The following SGCZ variants were observed in gnomAD, a reference collection of about 807,000 sequenced individuals.
SGCZ encodes the protein zeta-sarcoglycan.
A neutral mutation model predicts 41.3 loss-of-function variants in SGCZ; 40 were observed. The ratio of observed to expected loss-of-function variants is 0.97; its 90% CI spans 0.75 to 1.26. SGCZ has a LOEUF of 1.26. Ranked by LOEUF, SGCZ falls within the 50% of genes most tolerant of loss-of-function variation. The pLI is 0.00. For missense variants in SGCZ, 552 were observed against 369.8 expected (o/e 1.49, Z -4.04); for synonymous variants, 206 against 137.5 (o/e 1.50, Z -3.49).
At chr8:15,178,037 C>A (rs1800052437) in intron 1 of SGCZ, among the ~76,000 whole-genome samples, 1 of 152,144 alleles carries the variant, frequency 6.6e-6, no homozygotes, top group Non-Finnish European at 1.5e-5. Context: ...TGGGGCCTAG[C>A]CTTGCAATTT....
chr8:14,645,577 G>A (rs1807187219), intron 1 of SGCZ, among the ~76,000 whole-genome samples: 1 of 148,632 alleles, frequency 6.7e-6, no homozygotes, highest in African/African-American at 2.5e-5. Flanking sequence ...ATAAATTCCT[G>A]GTATCCTCGA....
At chr8:14,576,307 C>G (rs1222086616) in intron 1 of SGCZ, among the ~76,000 whole-genome samples, 3 of 152,068 alleles carry the variant, frequency 2.0e-5, no homozygotes, top group Admixed American at 6.6e-5. Flanking sequence ...TTTATCATTG[C>G]TTCACAATGA....
intron 1 of SGCZ, among the ~76,000 whole-genome samples, chr8:14,654,201 A>G (rs1231572934): frequency 2.0e-5 from 3 of 151,830 alleles, no homozygotes; most frequent in African/African-American, 7.3e-5. Flanking sequence ...CAGTAAAATA[A>G]TGGGTAACAT....
At chr8:14,366,686 C>A (rs1441545229) in intron 2 of SGCZ, among the ~76,000 whole-genome samples, 1 of 152,152 alleles carries the variant, frequency 6.6e-6, no homozygotes. Flanking sequence ...CAAAACTAAC[C>A]ATGCCTTCCC....
At chr8:14,202,991 A>C (rs1323812602) in intron 4 of SGCZ, among the ~76,000 whole-genome samples, 4 of 152,086 alleles carry the variant, frequency 2.6e-5, no homozygotes, top group Admixed American at 2.0e-4. Context: ...GAATCTCAGA[A>C]GATACGATGG....
At chr8:14,832,907 C>T (rs1802580604) in intron 1 of SGCZ, among the ~76,000 whole-genome samples, 1 of 151,650 alleles carries the variant, frequency 6.6e-6, no homozygotes, top group African/African-American at 2.4e-5. Flanking sequence ...TAATATCTTG[C>T]CAAATAAATA....
At chr8:14,804,481 A>G (rs1053055976) in intron 1 of SGCZ, among the ~76,000 whole-genome samples, 3 of 124,228 alleles carry the variant, frequency 2.4e-5, no homozygotes, top group African/African-American at 5.9e-5. Context: ...GGGTATCAGC[A>G]GTGGAAGATG....
In SGCZ at chr8:14,090,308, C is replaced by A; in HGVS notation, c.*135G>T. ...ATCACAAGAGAAGGTGGTGGCGAAT[C>A]CCTGCTCACACTGGAAGTTGCTCTG... On this transcript the variant is annotated 3_prime_UTR_variant, in exon 8 of 8. Transcript: ENST00000382080. The A allele has an allele frequency of 1.2e-6, 1 of 834,900 alleles. No individual in the cohort carries two copies. Among genetic ancestry groups the A allele is most frequent in the East Asian group, 2.5e-5 (1 of 39,290 alleles). The allele number at this position is 834,900 out of a possible 1,614,324, so 51.7% of individuals were successfully genotyped here. A position where few individuals can be genotyped will look rare whatever the true frequency, so the allele number is the denominator to read the frequency against.
intron 2 of SGCZ, among the ~76,000 whole-genome samples, chr8:14,533,759 A>G (rs1398708120): frequency 6.6e-6 from 1 of 152,036 alleles, no homozygotes; most frequent in Non-Finnish European, 1.5e-5. Context: ...ATTAACCAAA[A>G]TATATCTTTC....
chr8:15,007,016 G>C (rs181698555), intron 1 of SGCZ, among the ~76,000 whole-genome samples: 1 of 152,122 alleles, frequency 6.6e-6, no homozygotes, highest in East Asian at 1.9e-4. Flanking sequence ...AAAAGGAAAG[G>C]GTAGTGTGTT....
chr8:14,210,778 A>T (rs1226820642), intron 4 of SGCZ, among the ~76,000 whole-genome samples: 2 of 152,090 alleles, frequency 1.3e-5, no homozygotes, highest in Non-Finnish European at 2.9e-5. Context: ...AATTATTTCT[A>T]ATTTATTTAA....
At chr8:14,763,584 C>T (rs932479951) in intron 1 of SGCZ, among the ~76,000 whole-genome samples, 12 of 152,024 alleles carry the variant, frequency 7.9e-5, no homozygotes, top group Non-Finnish European at 1.0e-4. Context: ...AAAATAATCT[C>T]GAACTCCAGT....
chr8:14,769,350 A>G (rs1189527271), intron 1 of SGCZ, among the ~76,000 whole-genome samples: 1 of 152,242 alleles, frequency 6.6e-6, no homozygotes, highest in Non-Finnish European at 1.5e-5. Flanking sequence ...AAATTTGTTC[A>G]TAATGGTAAG....
chr8:14,249,848 T>C (rs1222620948), intron 3 of SGCZ, among the ~76,000 whole-genome samples: 1 of 152,156 alleles, frequency 6.6e-6, no homozygotes, highest in Middle Eastern at 3.2e-3. Context: ...TGAGCCTCCT[T>C]GCAAGATGGC....
intron 1 of SGCZ, among the ~76,000 whole-genome samples, chr8:15,093,351 C>T (rs1006861084): frequency 6.6e-6 from 1 of 152,162 alleles, no homozygotes; most frequent in Admixed American, 6.5e-5. Flanking sequence ...CAAAACAGTA[C>T]TATCTTGACA....
intron 1 of SGCZ, among the ~76,000 whole-genome samples, chr8:14,563,633 T>C (rs1246393196): frequency 6.6e-6 from 1 of 151,978 alleles, no homozygotes; most frequent in Non-Finnish European, 1.5e-5. Flanking sequence ...ATCTGAAAAA[T>C]TTAAAACTGG....
chr8:14,274,041 G>A (rs564758166), intron 3 of SGCZ, among the ~76,000 whole-genome samples: 2 of 152,092 alleles, frequency 1.3e-5, no homozygotes, highest in East Asian at 1.9e-4. Context: ...AAATTCCTCA[G>A]GGTATTGTTT....
At chr8:14,697,685 C>A (rs1285643925) in intron 1 of SGCZ, among the ~76,000 whole-genome samples, 2 of 151,920 alleles carry the variant, frequency 1.3e-5, no homozygotes, top group East Asian at 1.9e-4. Context: ...CTTCTCATTG[C>A]CAATTATCTT....
intron 2 of SGCZ, among the ~76,000 whole-genome samples, chr8:14,395,650 C>G (rs1029680968): frequency 6.6e-6 from 1 of 152,108 alleles, no homozygotes; most frequent in Non-Finnish European, 1.5e-5. Flanking sequence ...AAAAGTTACC[C>G]TGGGAATCAA....
Sources: allele counts gnomAD v4.1 joint callset (sites outside exome capture counted in the v4.1 genomes callset), GRCh38; gene constraint gnomAD v4.1.1; transcripts MANE v1.5; gene names NCBI Gene and HGNC (gene_info 2026-07-23, HGNC 2026-07-21).